Variants in CA8 observed in about 807,000 individuals in gnomAD.
The protein encoded by CA8 is carbonic anhydrase 8 (inactive), also known as carbonic anhydrase-related protein.
A neutral mutation model predicts 41.4 loss-of-function variants in CA8; 22 were observed. That is an observed-to-expected ratio of 0.53 (90% CI 0.38 to 0.76). The LOEUF (loss-of-function observed/expected upper bound fraction) is 0.76, where lower values mean the gene tolerates loss of function less well. Among genes scored for constraint, CA8 ranks in the 30% least tolerant of loss-of-function variants. CA8 has a pLI of 0.00. For missense variants in CA8, 270 were observed against 352.8 expected (o/e 0.77, Z 1.88); for synonymous variants, 121 against 130.6 (o/e 0.93, Z 0.50).
chr8:60,249,499 A>G (rs938527672), intron 3 of CA8, among the ~76,000 whole-genome samples: 2 of 152,230 alleles, frequency 1.3e-5, no homozygotes, highest in African/African-American at 4.8e-5. Context: ...TAGCAAACAC[A>G]AATAAAATAA....
chr8:60,259,739 GCTT>G (rs1803669694), intron 3 of CA8, among the ~76,000 whole-genome samples: 1 of 147,424 alleles, frequency 6.8e-6, no homozygotes, highest in African/African-American at 2.5e-5. Context: ...AAATTTGTTT[GCTT>G]TTTTTTTTTT....
chr8:60,228,397 A>G (rs1010095847), intron 4 of CA8, among the ~76,000 whole-genome samples: 1 of 152,242 alleles, frequency 6.6e-6, no homozygotes, highest in African/African-American at 2.4e-5. Context: ...TGGTTTAACC[A>G]TACTATAGCA....
At chr8:60,252,300 C>A (rs1808481942) in intron 3 of CA8, among the ~76,000 whole-genome samples, 1 of 150,280 alleles carries the variant, frequency 6.7e-6, no homozygotes, top group Non-Finnish European at 1.5e-5. Context: ...CTCAAAAAGA[C>A]ACCCCCAAAA....
chr8:60,202,644 C>T (rs1806468036), intron 8 of CA8, among the ~76,000 whole-genome samples: 1 of 152,160 alleles, frequency 6.6e-6, no homozygotes, highest in African/African-American at 2.4e-5. Flanking sequence ...TTCAACCTTC[C>T]ATCCCTAAAG....
Position 60,281,214 on chromosome 8 carries a change from G to A in CA8, c.-67C>T. On this transcript the variant is annotated 5_prime_UTR_variant, in exon 1 of 9. Coordinates refer to ENST00000317995, the MANE Select transcript of CA8 (RefSeq NM_004056.6). ...CTGCGCCTTCGCTGGGCGCGGGGCT[G>A]GAGCCGGAGCGGAGCGCGCGTGGGG... The A allele has an allele frequency of 8.6e-7, 1 of 1,166,936 alleles. No individual in the cohort carries two copies. The highest frequency in any genetic ancestry group is 1.5e-5 in the African/African-American group (1 of 65,354). The allele number at this position is 1,166,936 out of a possible 1,614,324, so 72.3% of individuals were successfully genotyped here.
chr8:60,230,074 G>A (rs1173690709), intron 4 of CA8, among the ~76,000 whole-genome samples: 1 of 152,096 alleles, frequency 6.6e-6, no homozygotes, highest in African/African-American at 2.4e-5. Flanking sequence ...CCACACCCAC[G>A]TTTTCTTTGC....
chr8:60,240,194 G>C (rs1206459689), intron 3 of CA8, among the ~76,000 whole-genome samples: 1 of 152,196 alleles, frequency 6.6e-6, no homozygotes, highest in Non-Finnish European at 1.5e-5. Flanking sequence ...CTGTCAAGGA[G>C]ATACTAGCAG....
At chr8:60,204,898 A>T (rs1806533009) in intron 8 of CA8, among the ~76,000 whole-genome samples, 1 of 152,126 alleles carries the variant, frequency 6.6e-6, no homozygotes, top group Non-Finnish European at 1.5e-5. Flanking sequence ...TTCCTCACAC[A>T]GGCACCCCCT....
intron 8 of CA8, among the ~76,000 whole-genome samples, chr8:60,201,901 A>G (rs950444713): frequency 6.6e-6 from 1 of 152,260 alleles, no homozygotes; most frequent in Admixed American, 6.5e-5. Context: ...AAAGCTGTTC[A>G]GAATCAGAAT....
At chr8:60,278,727 T>C (rs980974242) in intron 2 of CA8, among the ~76,000 whole-genome samples, 1 of 152,170 alleles carries the variant, frequency 6.6e-6, no homozygotes, top group Non-Finnish European at 1.5e-5. Flanking sequence ...GGATTCTAAA[T>C]TAAAGCTTAG....
intron 6 of CA8, 118 bp from the exon 7 acceptor site, chr8:60,222,879 T>C (rs1662409636): frequency 2.8e-6 from 2 of 722,406 alleles, no homozygotes; most frequent in Admixed American, 4.0e-5. Context: ...AAGATGGATG[T>C]CATTTTTAAA....
intron 7 of CA8, among the ~76,000 whole-genome samples, chr8:60,210,177 ATC>A (rs1806783336): frequency 6.6e-6 from 1 of 152,192 alleles, no homozygotes; most frequent in Non-Finnish European, 1.5e-5. Context: ...CTCCACAGTC[ATC>A]TCTTTAGGAA....
At chr8:60,233,944 CCTT>C (rs2130500628) in intron 3 of CA8, among the ~76,000 whole-genome samples, 1 of 152,294 alleles carries the variant, frequency 6.6e-6, no homozygotes, top group African/African-American at 2.4e-5. Flanking sequence ...GGTCCCCACT[CCTT>C]AAGTGTGCAC....
intron 6 of CA8, among the ~76,000 whole-genome samples, chr8:60,223,247 G>T (rs1433676354): frequency 6.6e-6 from 1 of 152,132 alleles, no homozygotes; most frequent in African/African-American, 2.4e-5. Context: ...ATAATCACTG[G>T]CAGAGCCAGG....
intron 8 of CA8, among the ~76,000 whole-genome samples, chr8:60,206,897 C>A (rs982381510): frequency 6.6e-6 from 1 of 152,184 alleles, no homozygotes; most frequent in South Asian, 2.1e-4. Context: ...TGCTCCTTTC[C>A]CACACCCCAG....
intron 7 of CA8, among the ~76,000 whole-genome samples, chr8:60,220,832 A>G (rs1807219456): frequency 1.3e-5 from 2 of 152,176 alleles, no homozygotes; most frequent in Non-Finnish European, 1.5e-5. Flanking sequence ...AGCAAGCACA[A>G]GTGGAGCTCC....
chr8:60,266,244 G>A (rs1006112287), intron 2 of CA8, among the ~76,000 whole-genome samples, 195 bp from the exon 3 acceptor site: 3 of 151,938 alleles, frequency 2.0e-5, no homozygotes, highest in Non-Finnish European at 4.4e-5. Context: ...TTCTTGTATT[G>A]GCCATTCAGA....
At chr8:60,257,427 C>G (rs1808678509) in intron 3 of CA8, among the ~76,000 whole-genome samples, 1 of 152,130 alleles carries the variant, frequency 6.6e-6, no homozygotes, top group South Asian at 2.1e-4. Flanking sequence ...TAATGTCTAG[C>G]CCTTTTTCAT....
At chr8:60,221,094 A>G (rs904424986) in intron 7 of CA8, among the ~76,000 whole-genome samples, 2 of 152,228 alleles carry the variant, frequency 1.3e-5, no homozygotes, top group African/African-American at 4.8e-5. Context: ...GCAGCAGCCA[A>G]CATCTTCGCT....
Sources: gnomAD v4.1 joint callset for allele counts (sites outside exome capture counted in the v4.1 genomes callset) on GRCh38, gnomAD v4.1.1 for gene constraint, MANE v1.5 for transcripts, NCBI Gene and HGNC (gene_info 2026-07-23, HGNC 2026-07-21) for gene names.